Variants in DHCR24 observed in about 807,000 individuals in gnomAD.
DHCR24 encodes the protein 24-dehydrocholesterol reductase, also known as delta(24)-sterol reductase.
A neutral mutation model predicts 61.2 loss-of-function variants in DHCR24; 28 were observed. That is an observed-to-expected ratio of 0.46 (90% CI 0.34 to 0.63). The LOEUF (loss-of-function observed/expected upper bound fraction) is 0.63. Among genes scored for constraint, DHCR24 ranks in the 20% least tolerant of loss-of-function variants. The pLI, the probability that DHCR24 is intolerant of heterozygous loss-of-function variation, is 0.01. For synonymous variants in DHCR24, 261 were observed against 275.9 expected (o/e 0.95, Z 0.54); for missense variants, 538 against 679.1 (o/e 0.79, Z 2.31).
At chr1:54,878,005 C>CA (rs34579917) in intron 2 of DHCR24, among the ~76,000 whole-genome samples, 38,277 of 111,424 alleles carry the variant, frequency 0.34, 5,530 homozygotes, top group Middle Eastern at 0.45. Flanking sequence ...GACTCTGTCT[C>CA]AAAAAAAAAA....
At chr1:54,874,961 T>C in intron 4 of DHCR24, 132 bp downstream of exon 4, 2 of 799,598 alleles carry the variant, frequency 2.5e-6, no homozygotes, top group Non-Finnish European at 2.2e-6. Flanking sequence ...ACACAAATTT[T>C]TGTTTACAGA....
Position 54,883,248 on chromosome 1 carries a change from G to C in DHCR24, c.387+370C>G, listed in dbSNP as rs1039594281. Among the ~76,000 whole-genome samples the C allele has an allele frequency of 1.3e-5, 2 of 152,096 alleles. No homozygotes were observed. The highest frequency in any genetic ancestry group is 4.8e-5 in the African/African-American group (2 of 41,412). ...GTACATTTCGAAGGCTATTAAACAAGAGGGTTTCCAGGAAGCTTGTAACAA... is the reference window on the plus strand; with the variant it reads ...GTACATTTCGAAGGCTATTAAACAACAGGGTTTCCAGGAAGCTTGTAACAA... On this transcript the variant is annotated intron_variant, in intron 2 of 8. Coordinates refer to ENST00000371269, the MANE Select transcript of DHCR24 (RefSeq NM_014762.4). The surrounding 1 kb of genome is among the most constrained non-coding windows in gnomAD (Gnocchi z 4.3).
Position 54,887,093 on chromosome 1 carries a change from C to G in DHCR24, c.27G>C (p.Val9=), listed in dbSNP as rs1399261958. 6.2e-7 allele frequency: 1 copy of G among 1,600,222 alleles called. No homozygotes were observed. Among genetic ancestry groups the G allele is most frequent in the East Asian group, 2.3e-5 (1 of 44,340 alleles). The change falls in exon 1 of 9, where the codon GTG becomes GTC. Residue 9 remains valine (V), a synonymous_variant. Coordinates refer to ENST00000371269, the MANE Select transcript of DHCR24 (RefSeq NM_014762.4). MEPAVSLA[V]CALLFLLWVR... ...CCCACAGCAGGAAGAGCAGCGCGCA[C>G]ACGGCCAGCGACACGGCGGGCTCCA...
At position 54,875,995 on chromosome 1, in the gene DHCR24, G is replaced by C. The variant is rs770796946; in HGVS notation, c.440C>G (p.Thr147Ser). The C allele has an allele frequency of 1.2e-6, 2 of 1,613,984 alleles. No individual in the cohort carries two copies. The highest frequency in any genetic ancestry group is 1.7e-6 in the Non-Finnish European group (2 of 1,179,908). The stretch of plus-strand genomic sequence containing the variant: ...CACGGGGAGAGTCCAGCCAATGGAG[G>C]TCAGCAGGGCAGTCACCTGGCCCAT... ...VTMGQVTALL[T>S]SIGWTLPVLP... The change falls in exon 3 of 9, where the codon ACC becomes AGC. Residue 147 changes from threonine (T) to serine (S), a missense_variant. Thr to Ser is a moderately conservative substitution (Grantham distance 58). Transcript: ENST00000371269.
chr1:54,883,647 C>T lies in DHCR24; in HGVS notation c.358G>A (p.Asp120Asn). ...THKNIMINLM[D>N]ILEVDTKKQI... Reference sequence around the variant, plus strand: ...TTCTTGGTGTCCACTTCCAGAATGTCCATCAGGTTGATCATGATGTTTTTG... The same window carrying T: ...TTCTTGGTGTCCACTTCCAGAATGTTCATCAGGTTGATCATGATGTTTTTG... The change falls in exon 2 of 9, where the codon GAC (aspartate) becomes AAC (asparagine). Residue 120 changes from aspartate to asparagine, a missense_variant. Asp to Asn is a conservative substitution (Grantham distance 23). Coordinates refer to ENST00000371269, the MANE Select transcript of DHCR24 (RefSeq NM_014762.4). This position sits in a 1 kb window ranked among gnomAD's most constrained non-coding sequence, Gnocchi z 4.3. 3 of 1,614,246 alleles carry T rather than the reference C, an allele frequency of 1.9e-6. No individual in the cohort carries two copies. The highest frequency in any genetic ancestry group is 2.5e-6 in the Non-Finnish European group (3 of 1,180,050).
chr1:54,878,438 C>T (rs185265427), intron 2 of DHCR24, among the ~76,000 whole-genome samples: 50 of 136,698 alleles, frequency 3.7e-4, no homozygotes, highest in African/African-American at 1.1e-3. Context: ...CACTTGAATC[C>T]GGGAGGCGGA....
chr1:54,879,796 G>A (rs778530492), intron 2 of DHCR24, among the ~76,000 whole-genome samples: 5 of 152,040 alleles, frequency 3.3e-5, no homozygotes, highest in Admixed American at 6.5e-5. Context: ...GGAAATCAAA[G>A]TATTCTGAAC....
intron 8 of DHCR24, 77 bp downstream of exon 8, chr1:54,853,357 G>T: frequency 6.3e-7 from 1 of 1,580,576 alleles, no homozygotes; most frequent in Non-Finnish European, 8.7e-7. Context: ...GTTCTCCATA[G>T]AGCTGGCCTC....
rs1646868264 is a variant in DHCR24, at chr1:54,850,313, G to C, written c.*1920C>G. The C allele has an allele frequency of 6.6e-6, 1 of 152,262 alleles. No individual in the cohort carries two copies. Among genetic ancestry groups the C allele is most frequent in the Non-Finnish European group, 1.5e-5 (1 of 68,054 alleles). 9.4% of individuals were successfully genotyped at this position (152,262 alleles called of 1,614,324 possible). A position where few individuals can be genotyped will look rare whatever the true frequency, so the allele number is the denominator to read the frequency against. The stretch of plus-strand genomic sequence containing the variant: ...GTTAACCATTCATCTACAGCAAGTA[G>C]AATCATCAGTTTTGCACTGAGCAAG... On this transcript the variant is annotated 3_prime_UTR_variant, in exon 9 of 9. Transcript: ENST00000371269.
intron 5 of DHCR24, among the ~76,000 whole-genome samples, chr1:54,868,529 TTAAAG>T (rs1646980021): frequency 6.6e-6 from 1 of 152,030 alleles, no homozygotes; most frequent in Non-Finnish European, 1.5e-5. Flanking sequence ...GCTCCATTAA[TTAAAG>T]TAATAAAAAA....
chr1:54,879,094 C>T (rs184938120), intron 2 of DHCR24, among the ~76,000 whole-genome samples: 68 of 152,154 alleles, frequency 4.5e-4, no homozygotes, highest in African/African-American at 1.6e-3. Flanking sequence ...CCAAGCCAGG[C>T]AGATCACCTG....
chr1:54,883,476 G>A lies in DHCR24; in HGVS notation c.387+142C>T. The stretch of plus-strand genomic sequence containing the variant: ...GGCTGTGAGGCTTGAGGACAGCAAT[G>A]GCAGGGAGTATCTTCTATGACTGTG... On this transcript the variant is annotated intron_variant, in intron 2 of 8. Transcript: ENST00000371269. The surrounding 1 kb of genome is among the most constrained non-coding windows in gnomAD (Gnocchi z 4.3). 1.2e-5 allele frequency: 13 copies of A among 1,064,526 alleles called. No individual in the cohort carries two copies. Among genetic ancestry groups the A allele is most frequent in the Non-Finnish European group, 1.9e-5 (13 of 689,670 alleles). 65.9% of individuals were successfully genotyped at this position (1,064,526 alleles called of 1,614,324 possible).
At chr1:54,876,730 GTTT>G (rs1189676025) in intron 2 of DHCR24, among the ~76,000 whole-genome samples, 1 of 150,966 alleles carries the variant, frequency 6.6e-6, no homozygotes, top group African/African-American at 2.4e-5. Context: ...ATTTACTTTG[GTTT>G]TTTTTTCCCC....
intron 1 of DHCR24, chr1:54,886,687 A>G (rs1412460046): frequency 6.7e-7 from 1 of 1,490,226 alleles, no homozygotes; most frequent in Admixed American, 2.0e-5. Context: ...TGCCCTGCAC[A>G]CAGTGGGCAC....
At chr1:54,885,427 A>G (rs12727760) in intron 1 of DHCR24, among the ~76,000 whole-genome samples, 69,556 of 152,054 alleles carry the variant, frequency 0.46, 17,842 homozygotes, top group South Asian at 0.63. Context: ...AACCAGACCT[A>G]TAGGGGGGAA....
intron 6 of DHCR24, among the ~76,000 whole-genome samples, chr1:54,865,010 A>G (rs2101565083): frequency 6.6e-6 from 1 of 152,214 alleles, no homozygotes; most frequent in African/African-American, 2.4e-5. Flanking sequence ...CACCGTGGCT[A>G]GAGGCTAACC....
intron 1 of DHCR24, chr1:54,886,670 C>A (rs1378432091): frequency 1.3e-6 from 2 of 1,509,766 alleles, no homozygotes; most frequent in Admixed American, 2.0e-5. Context: ...CTCCAGGTAC[C>A]CGCATATGCC....
At chr1:54,879,732 A>ATAAAAAATCAACATACTTC (rs1553122336) in intron 2 of DHCR24, among the ~76,000 whole-genome samples, 2 of 152,236 alleles carry the variant, frequency 1.3e-5, no homozygotes, top group Non-Finnish European at 2.9e-5. Context: ...AAAACTAGTG[A>ATAAAAAATCAACATACTTC]TAAAAAATCA....
At chr1:54,881,359 C>T (rs540309748) in intron 2 of DHCR24, among the ~76,000 whole-genome samples, 1 of 152,130 alleles carries the variant, frequency 6.6e-6, no homozygotes, top group East Asian at 1.9e-4. Flanking sequence ...TTTCAAAAGA[C>T]AAGCATGTGG....
Sources: gnomAD v4.1 joint callset for allele counts (sites outside exome capture counted in the v4.1 genomes callset) on GRCh38, gnomAD v4.1.1 for gene constraint, Gnocchi (gnomAD v3.1) non-coding constraint, MANE v1.5 for transcripts, NCBI Gene and HGNC (gene_info 2026-07-23, HGNC 2026-07-21) for gene names.